The following XIST variants were observed in gnomAD, a reference collection of about 807,000 sequenced individuals.
XIST encodes the protein X inactive specific transcript (non-protein coding).
At chrX:73,845,798 G>T (rs756223274) in exon 1 of XIST, 2 of 522,886 alleles carry the variant, frequency 3.8e-6, no homozygotes, top group Non-Finnish European at 6.9e-6. Context: ...CTGCTGGAAG[G>T]GAAAGGAAGA....
chrX:73,821,167 T>C, exon 6 of XIST: 1 of 557,589 alleles, frequency 1.8e-6, no homozygotes, highest in Non-Finnish European at 3.2e-6. Flanking sequence ...ATTTCAAATC[T>C]GATGTCTAAC....
At chrX:73,826,963 C>A (rs746080986) in exon 6 of XIST, 16 of 556,858 alleles carry the variant, frequency 2.9e-5, no homozygotes, top group Non-Finnish European at 4.5e-5. Context: ...CCAATTCAGG[C>A]CACCCTCTGT....
exon 1 of XIST, chrX:73,849,587 TTGACATTCCC>T: frequency 1.8e-6 from 1 of 558,431 alleles, no homozygotes; most frequent in South Asian, 2.2e-5. Context: ...AAGCTCTCAA[TTGACATTCCC>T]TAACTTCAAC....
intron 3 of XIST, among the ~76,000 whole-genome samples, chrX:73,832,943 CTAA>C (rs1272242652): frequency 9.0e-6 from 1 of 111,454 alleles, no homozygotes; most frequent in African/African-American, 3.3e-5. Context: ...AGTGCAGTGG[CTAA>C]TGATGGCTCA....
chrX:73,845,299 C>T (rs766641096), exon 1 of XIST: 55 of 552,563 alleles, frequency 1.0e-4, no homozygotes, highest in Non-Finnish European at 1.5e-4. Context: ...ACATAACAGG[C>T]CAGGAAAAGG....
At chrX:73,843,480 A>C in exon 1 of XIST, 1 of 558,606 alleles carries the variant, frequency 1.8e-6, no homozygotes, top group East Asian at 3.2e-5. Context: ...ACAGGTCCAC[A>C]AATACAATTA....
chrX:73,827,284 A>G, exon 6 of XIST: 1 of 558,810 alleles, frequency 1.8e-6, no homozygotes, highest in South Asian at 2.2e-5. Context: ...CCTCTGCCAC[A>G]CATGACACAC....
exon 1 of XIST, chrX:73,850,588 T>A: frequency 1.9e-6 from 1 of 539,475 alleles, no homozygotes; most frequent in South Asian, 2.4e-5. Flanking sequence ...TCATCTGTGA[T>A]CCATTCTGGT....
chrX:73,850,862 C>T (rs1922918288), exon 1 of XIST: 1 of 532,768 alleles, frequency 1.9e-6, no homozygotes, highest in Admixed American at 2.5e-5. Context: ...CTGCAAGAGG[C>T]AGCACTGGAC....
chrX:73,848,154 G>C (rs776868287), exon 1 of XIST: 2 of 556,467 alleles, frequency 3.6e-6, no homozygotes, highest in Non-Finnish European at 6.5e-6. Context: ...TGAGCAGTTG[G>C]GATCTTAATT....
exon 5 of XIST, chrX:73,829,098 C>G (rs745636995): frequency 3.6e-6 from 2 of 558,401 alleles, no homozygotes; most frequent in Non-Finnish European, 6.5e-6. Context: ...TGCTAGAGTG[C>G]CAGGCATGTT....
chrX:73,827,441 G>A (rs1476159850), exon 6 of XIST: 1 of 542,956 alleles, frequency 1.8e-6, no homozygotes, highest in Non-Finnish European at 3.3e-6. Context: ...CAAGCCAACA[G>A]AGATTAATAC....
rs770183733 is a variant in XIST, at chrX:73,828,154, A to G, written n.11917-170T>C. On this transcript the variant is annotated intron_variant and non_coding_transcript_variant, in intron 5 of 5. Transcript: ENST00000429829. ...ACTATTGTTACTACGAATACTACTT[A>G]TAGTACTACAATAATAACAACCACC... 1.4e-4 allele frequency: 59 copies of G among 411,221 alleles called. No individual in the cohort carries two copies. The East Asian group carries it at 2.2e-3, about 16-fold the overall frequency. 33.9% of individuals were successfully genotyped at this position (411,221 alleles called of 1,213,427 possible).
At chrX:73,828,140 T>C in intron 5 of XIST, 2 of 426,517 alleles carry the variant, frequency 4.7e-6, no homozygotes. Context: ...CTATTGTTAC[T>C]ACGAATACTA....
At chrX:73,829,490 CTTAG>C (rs1922334709) in intron 4 of XIST, 2 of 232,639 alleles carry the variant, frequency 8.6e-6, no homozygotes, top group Non-Finnish European at 1.5e-5. Flanking sequence ...AGCCTTATAC[CTTAG>C]TTAAAGACCA....
intron 1 of XIST, among the ~76,000 whole-genome samples, chrX:73,837,659 A>G (rs890540868): frequency 3.6e-5 from 4 of 112,145 alleles, no homozygotes; most frequent in Non-Finnish European, 7.5e-5. Context: ...TGAAGTACAC[A>G]GAAACTCTAT....
chrX:73,821,992 T>C (rs766353894), exon 6 of XIST: 5 of 558,499 alleles, frequency 9.0e-6, no homozygotes, highest in Non-Finnish European at 1.6e-5. Context: ...TATCTGAGGA[T>C]TGTTTCTGAA....
chrX:73,842,914 C>G lies in XIST; in HGVS notation n.9810G>C, dbSNP rs780917399. The G allele has an allele frequency of 5.4e-6, 3 of 556,350 alleles. No individual in the cohort carries two copies. The African/African-American group carries it at 6.7e-5, about 13-fold the overall frequency. The allele number at this position is 556,350 out of a possible 1,213,427, so 45.8% of individuals were successfully genotyped here. A position where few individuals can be genotyped will look rare whatever the true frequency, so the allele number is the denominator to read the frequency against. On this transcript the variant is annotated non_coding_transcript_exon_variant, in exon 1 of 6. Transcript: ENST00000429829. ...TCTGTAAAAAGGGGCCAAGGGCACA[C>G]AAGGGGCAGAGAGAGGGAAGACTTC... is the stretch of plus-strand genomic sequence containing the variant.
At chrX:73,847,487 T>A (rs1276583191) in exon 1 of XIST, 1 of 510,599 alleles carries the variant, frequency 2.0e-6, no homozygotes, top group African/African-American at 2.4e-5. Context: ...CCCAAAGTGC[T>A]GGGATTACAG....
Sources: allele counts gnomAD v4.1 joint callset (sites outside exome capture counted in the v4.1 genomes callset), GRCh38; gene constraint gnomAD v4.1.1; transcripts MANE v1.5; gene names NCBI Gene and HGNC (gene_info 2026-07-23, HGNC 2026-07-21).